The following SH3RF3 variants were observed in gnomAD, a reference collection of about 807,000 sequenced individuals.
The protein encoded by SH3RF3 is SH3 domain containing ring finger 3.
A neutral mutation model predicts 66.3 loss-of-function variants in SH3RF3; 29 were observed. The ratio of observed to expected loss-of-function variants is 0.44; its 90% confidence interval spans 0.33 to 0.60. The LOEUF (loss-of-function observed/expected upper bound fraction) is 0.60. Ranked by LOEUF, SH3RF3 falls within the 20% of genes least tolerant of loss-of-function variation. SH3RF3 has a pLI of 0.04. For missense variants in SH3RF3, 1,194 were observed against 1,190.9 expected, an observed-to-expected ratio of 1.00 and a Z score of -0.04; for synonymous variants, 583 against 532.0, an observed-to-expected ratio of 1.10 and a Z score of -1.32.
intron 1 of SH3RF3, among the ~76,000 whole-genome samples, chr2:109,342,360 C>T (rs1682572630): frequency 1.3e-5 from 2 of 152,192 alleles, no homozygotes; most frequent in African/African-American, 2.4e-5. Context: ...TGTGTTCATT[C>T]GTTCAGTAGA....
chr2:109,369,452 T>C (rs1229691142), intron 2 of SH3RF3, among the ~76,000 whole-genome samples: 1 of 152,256 alleles, frequency 6.6e-6, no homozygotes, highest in Non-Finnish European at 1.5e-5. Context: ...ACTTTTGGGC[T>C]GTGTGAAGTG....
At chr2:109,262,156 T>G (rs2105292722) in intron 1 of SH3RF3, among the ~76,000 whole-genome samples, 1 of 152,242 alleles carries the variant, frequency 6.6e-6, no homozygotes, top group Non-Finnish European at 1.5e-5. Context: ...AGTGCTGGGG[T>G]CTTTCCTGTT....
intron 1 of SH3RF3, among the ~76,000 whole-genome samples, chr2:109,157,554 A>G (rs2104894957): frequency 6.6e-6 from 1 of 152,326 alleles, no homozygotes; most frequent in Admixed American, 6.5e-5. Context: ...ATATGAGGAA[A>G]AAGATTTCCT....
chr2:109,305,962 A>T (rs938447802), intron 1 of SH3RF3, among the ~76,000 whole-genome samples: 3 of 152,188 alleles, frequency 2.0e-5, no homozygotes, highest in Non-Finnish European at 2.9e-5. Context: ...TTGCTCATTC[A>T]GCACGGTATT....
chr2:109,377,831 T>A (rs1683424797), intron 3 of SH3RF3, among the ~76,000 whole-genome samples: 1 of 152,194 alleles, frequency 6.6e-6, no homozygotes, highest in Non-Finnish European at 1.5e-5. Context: ...TGTCACTTTA[T>A]CTTTTACAAA....
chr2:109,379,696 A>G (rs565565691), intron 3 of SH3RF3, among the ~76,000 whole-genome samples: 22 of 152,280 alleles, frequency 1.4e-4, no homozygotes, highest in Admixed American at 1.2e-3. Context: ...CCCCAGCCTT[A>G]GTGTGGATGC....
intron 8 of SH3RF3, among the ~76,000 whole-genome samples, chr2:109,471,574 T>C (rs1412927875): frequency 6.6e-6 from 1 of 152,194 alleles, no homozygotes; most frequent in Admixed American, 6.5e-5. Flanking sequence ...TATCAGTCAG[T>C]GGCAAAATTC....
chr2:109,241,362 C>G (rs1679778003), intron 1 of SH3RF3, among the ~76,000 whole-genome samples: 1 of 152,218 alleles, frequency 6.6e-6, no homozygotes, highest in Non-Finnish European at 1.5e-5. Context: ...CAAAATTCAT[C>G]TTGCTGTGGG....
At chr2:109,363,062 G>A (rs1279234241) in intron 2 of SH3RF3, among the ~76,000 whole-genome samples, 1 of 152,086 alleles carries the variant, frequency 6.6e-6, no homozygotes, top group African/African-American at 2.4e-5. Flanking sequence ...AAAGTGATGT[G>A]TGATAGAGTC....
In SH3RF3 at chr2:109,193,160, T is replaced by A. The variant is rs560394305; in HGVS notation, c.573+63047T>A. Reference sequence around the variant, plus strand: ...TGAATCCCAGAGGAAAGGCCAGAGGTCTCACATTTTAAGAGAACTGGAATC... The same window carrying A: ...TGAATCCCAGAGGAAAGGCCAGAGGACTCACATTTTAAGAGAACTGGAATC... On this transcript the variant is annotated intron_variant, in intron 1 of 9. Transcript: ENST00000309415. Among the ~76,000 whole-genome samples, 9 of 152,274 alleles carry A rather than the reference T, an allele frequency of 5.9e-5. 1 individual carries two copies. The South Asian group carries it at 1.9e-3, about 32-fold the overall frequency.
At chr2:109,431,450 C>G (rs1677212796) in intron 5 of SH3RF3, among the ~76,000 whole-genome samples, 1 of 152,218 alleles carries the variant, frequency 6.6e-6, no homozygotes, top group African/African-American at 2.4e-5. Flanking sequence ...TAAGTATTAT[C>G]CAATCTTTAC....
At chr2:109,295,903 T>G (rs1169618538) in intron 1 of SH3RF3, among the ~76,000 whole-genome samples, 1 of 152,154 alleles carries the variant, frequency 6.6e-6, no homozygotes, top group African/African-American at 2.4e-5. Context: ...AGGTGGGGCT[T>G]GAGGACAGAA....
intron 9 of SH3RF3, among the ~76,000 whole-genome samples, chr2:109,500,666 A>G (rs1206833359): frequency 6.6e-6 from 1 of 152,220 alleles, no homozygotes; most frequent in African/African-American, 2.4e-5. Flanking sequence ...AAATAAGGAC[A>G]GGTTAGGCAC....
At chr2:109,247,520 T>G (rs1198067478) in intron 1 of SH3RF3, among the ~76,000 whole-genome samples, 1 of 152,144 alleles carries the variant, frequency 6.6e-6, no homozygotes, top group Non-Finnish European at 1.5e-5. Context: ...CAGGCATGGG[T>G]GGTCACGTGT....
intron 9 of SH3RF3, among the ~76,000 whole-genome samples, chr2:109,496,098 T>G (rs905351499): frequency 5.3e-5 from 8 of 152,298 alleles, no homozygotes; most frequent in Middle Eastern, 3.4e-3. Flanking sequence ...ATTTGTCCCC[T>G]CCCATGTTCT....
intron 1 of SH3RF3, among the ~76,000 whole-genome samples, chr2:109,194,641 C>G (rs1678452700): frequency 6.6e-6 from 1 of 152,214 alleles, no homozygotes; most frequent in African/African-American, 2.4e-5. Flanking sequence ...TCTGCATATA[C>G]AGGAAGAGAT....
intron 1 of SH3RF3, among the ~76,000 whole-genome samples, chr2:109,191,868 A>T (rs1014741249): frequency 2.4e-4 from 37 of 152,326 alleles, no homozygotes; most frequent in Non-Finnish European, 3.5e-4. Flanking sequence ...CACTGAGACC[A>T]GCATTTTTGA....
intron 8 of SH3RF3, among the ~76,000 whole-genome samples, chr2:109,474,712 C>T (rs1261024049): frequency 3.9e-5 from 6 of 152,234 alleles, no homozygotes; most frequent in Non-Finnish European, 7.3e-5. Flanking sequence ...GCAGATACTT[C>T]ACCACCATCA....
chr2:109,258,295 C>T (rs994755277), intron 1 of SH3RF3, among the ~76,000 whole-genome samples: 2 of 152,118 alleles, frequency 1.3e-5, no homozygotes, highest in African/African-American at 2.4e-5. Context: ...ATGCAGTGGC[C>T]GCTGTGACAG....
Sources: allele counts gnomAD v4.1 joint callset (sites outside exome capture counted in the v4.1 genomes callset), GRCh38; gene constraint gnomAD v4.1.1; transcripts MANE v1.5; gene names NCBI Gene and HGNC (gene_info 2026-07-23, HGNC 2026-07-21).